The following COL25A1 variants were observed in gnomAD, a reference collection of about 807,000 sequenced individuals.
The protein encoded by COL25A1 is collagen alpha-1(XXV) chain.
A neutral mutation model predicts 128.4 loss-of-function variants in COL25A1; 103 were observed. The ratio of observed to expected loss-of-function variants is 0.80; its 90% confidence interval spans 0.68 to 0.94. The LOEUF (loss-of-function observed/expected upper bound fraction) is 0.94. COL25A1 is among the 40% of genes least tolerant of loss of function. The pLI is 0.00. For synonymous variants in COL25A1, 279 were observed against 277.2 expected, an observed-to-expected ratio of 1.01 and a Z score of -0.06; for missense variants, 745 against 840.0, an observed-to-expected ratio of 0.89 and a Z score of 1.40.
At position 108,859,705 on chromosome 4, in the gene COL25A1, C is replaced by T. The variant is rs1208576929; in HGVS notation, c.1271G>A (p.Gly424Glu). ...RGPPGQKGDQ[G>E]ATEIIDYNGN... is the part of the protein sequence containing the mutation. ...GTTGTAGTCTATGATCTCAGTGGCT[C>T]CTTGATCCCCTTTTTGACCAGGTGG... Residue 424 changes from glycine to glutamate, a missense_variant, in exon 24 of 38, where the codon GGA (glycine) becomes GAA (glutamate). Physicochemically the swap from Gly to Glu is moderately conservative, Grantham distance 98. This residue lies in a region of COL25A1 where 387 missense variants were observed against 441.9 expected (regional missense o/e 0.88). Coordinates refer to ENST00000399132, the MANE Select transcript of COL25A1 (RefSeq NM_198721.4). 6.2e-7 allele frequency: 1 copy of T among 1,613,782 alleles called. No homozygotes were observed. The highest frequency in any genetic ancestry group is 8.5e-7 in the Non-Finnish European group (1 of 1,179,910).
At chr4:108,890,609 C>T (rs1461704493) in intron 16 of COL25A1, among the ~76,000 whole-genome samples, 1 of 152,198 alleles carries the variant, frequency 6.6e-6, no homozygotes, top group Admixed American at 6.5e-5. Flanking sequence ...CTAGCCCTCT[C>T]TGTCTCATGA....
intron 3 of COL25A1, among the ~76,000 whole-genome samples, chr4:109,116,411 C>G (rs781403741): frequency 6.6e-6 from 1 of 152,000 alleles, no homozygotes; most frequent in Non-Finnish European, 1.5e-5. Context: ...CTTCCTCTAG[C>G]CATGTTATCC....
At chr4:109,229,786 T>C (rs967251487) in intron 3 of COL25A1, among the ~76,000 whole-genome samples, 21 of 152,308 alleles carry the variant, frequency 1.4e-4, no homozygotes, top group Admixed American at 7.2e-4. Flanking sequence ...GTGCAAGTGC[T>C]GTGAATATTG....
chr4:108,818,327 T>C (rs1047552757), intron 36 of COL25A1, among the ~76,000 whole-genome samples: 22 of 152,212 alleles, frequency 1.4e-4, no homozygotes, highest in African/African-American at 5.1e-4. Context: ...TAAAGAGAAA[T>C]ATAAATTTAT....
intron 19 of COL25A1, among the ~76,000 whole-genome samples, chr4:108,873,438 C>T (rs889179054): frequency 6.6e-6 from 1 of 152,048 alleles, no homozygotes; most frequent in African/African-American, 2.4e-5. Context: ...AAGCACTTAA[C>T]CTCTCCCTAG....
chr4:109,169,145 C>T (rs1370682779), intron 3 of COL25A1, among the ~76,000 whole-genome samples: 1 of 152,202 alleles, frequency 6.6e-6, no homozygotes, highest in African/African-American at 2.4e-5. Flanking sequence ...TCTCTAGCCT[C>T]AGCTACTGTT....
At chr4:108,845,988 C>G in intron 28 of COL25A1, 151 bp downstream of exon 28, 1 of 565,454 alleles carries the variant, frequency 1.8e-6, no homozygotes, top group South Asian at 2.6e-5. Context: ...GAGTAATTAA[C>G]CAATAATACC....
At chr4:109,158,661 A>G (rs1772260758) in intron 3 of COL25A1, among the ~76,000 whole-genome samples, 1 of 152,234 alleles carries the variant, frequency 6.6e-6, no homozygotes, top group Admixed American at 6.5e-5. Context: ...AACGTGATTC[A>G]TGGATCTAGA....
At chr4:109,202,406 A>T (rs988543789) in intron 3 of COL25A1, among the ~76,000 whole-genome samples, 3 of 148,474 alleles carry the variant, frequency 2.0e-5, no homozygotes, top group African/African-American at 7.3e-5. Context: ...TCCATATGCA[A>T]AAAAAAAAAC....
intron 3 of COL25A1, among the ~76,000 whole-genome samples, chr4:109,089,200 G>C (rs1764690314): frequency 1.3e-5 from 2 of 152,172 alleles, no homozygotes; most frequent in Admixed American, 6.5e-5. Context: ...AATCAAAATA[G>C]AGACATAACC....
chr4:109,135,638 C>A, intron 3 of COL25A1, among the ~76,000 whole-genome samples: 1 of 127,562 alleles, frequency 7.8e-6, no homozygotes, highest in East Asian at 2.2e-4. Flanking sequence ...TGAAGCTTCA[C>A]TTAAATGGAG....
intron 3 of COL25A1, among the ~76,000 whole-genome samples, chr4:109,052,891 T>C (rs941040707): frequency 1.3e-5 from 2 of 152,130 alleles, no homozygotes; most frequent in African/African-American, 4.8e-5. Context: ...AAGTGAGTGA[T>C]GAATTGTCAG....
intron 3 of COL25A1, among the ~76,000 whole-genome samples, chr4:109,296,470 A>C (rs1317852001): frequency 6.6e-6 from 1 of 152,030 alleles, no homozygotes; most frequent in Non-Finnish European, 1.5e-5. Flanking sequence ...TCAAAATGTA[A>C]GCTTCTTGAG....
chr4:109,179,510 T>C (rs1174151386), intron 3 of COL25A1, among the ~76,000 whole-genome samples: 1 of 152,260 alleles, frequency 6.6e-6, no homozygotes, highest in African/African-American at 2.4e-5. Context: ...ACCTTGTATG[T>C]TAGGATAGAG....
At chr4:108,999,209 C>CTATCCATCTGACAAAGGGCTAA (rs150233756) in intron 6 of COL25A1, among the ~76,000 whole-genome samples, 119,106 of 150,174 alleles carry the variant, frequency 0.79, 48,417 homozygotes, top group East Asian at 0.99. Context: ...TCTTTGCAAT[C>CTATCCATCTGACAAAGGGCTAA]TATCCATCTG....
At chr4:108,828,169 C>T (rs1364408423) in intron 32 of COL25A1, among the ~76,000 whole-genome samples, 1 of 152,166 alleles carries the variant, frequency 6.6e-6, no homozygotes, top group African/African-American at 2.4e-5. Context: ...GAGACAGAGT[C>T]TTGCTCTGTT....
intron 3 of COL25A1, among the ~76,000 whole-genome samples, chr4:109,170,792 T>C (rs530820985): frequency 6.6e-6 from 1 of 152,260 alleles, no homozygotes; most frequent in African/African-American, 2.4e-5. Flanking sequence ...AAACAATGAA[T>C]CAGAATATAT....
chr4:108,826,798 G>A (rs188678355), intron 33 of COL25A1, among the ~76,000 whole-genome samples: 80 of 152,274 alleles, frequency 5.3e-4, no homozygotes, highest in Non-Finnish European at 1.0e-4. Flanking sequence ...GATTTTCCAA[G>A]GAAGTGCCAG....
chr4:109,182,288 G>A (rs1254202793), intron 3 of COL25A1, among the ~76,000 whole-genome samples: 1 of 152,028 alleles, frequency 6.6e-6, no homozygotes, highest in Non-Finnish European at 1.5e-5. Flanking sequence ...TTCCACAATG[G>A]CTGTTTTCCA....
Sources: gnomAD v4.1 joint callset for allele counts (sites outside exome capture counted in the v4.1 genomes callset) on GRCh38, gnomAD v4.1.1 for gene constraint, gnomAD v4.1.1 regional missense constraint, MANE v1.5 for transcripts, NCBI Gene and HGNC (gene_info 2026-07-23, HGNC 2026-07-21) for gene names.